HERC4: variants seen among roughly 807,000 people sequenced by gnomAD.
HERC4 encodes the protein HECT and RLD domain containing E3 ubiquitin protein ligase 4, also known as probable E3 ubiquitin-protein ligase HERC4.
In HERC4, 28 loss-of-function variants were observed where a neutral mutation model predicts 124.3. The ratio of observed to expected loss-of-function variants is 0.23; its 90% CI spans 0.17 to 0.31. The LOEUF (loss-of-function observed/expected upper bound fraction) is 0.31, where lower values mean the gene tolerates loss of function less well. Among genes scored for constraint, HERC4 ranks in the 10% least tolerant of loss-of-function variants. HERC4 has a pLI of 1.00. For synonymous variants in HERC4, 407 were observed against 421.5 expected (o/e 0.97, Z 0.42); for missense variants, 713 against 1,229.3 (o/e 0.58, Z 6.28).
chr10:67,949,000 T>TC (rs1362065568), intron 19 of HERC4, among the ~76,000 whole-genome samples: 1 of 152,070 alleles, frequency 6.6e-6, no homozygotes, highest in African/African-American at 2.4e-5. Flanking sequence ...ACGCCTGTAA[T>TC]CCCAGCACTT....
In HERC4 at chr10:67,979,273, A is replaced by G. The variant is rs543630507; in HGVS notation, c.1806+9390T>C. ...AGAAAGAATACCAGATAAATTTAACAAAGAGACTGAAATCATTTAAAAGAA... is the reference window on the plus strand; with the variant it reads ...AGAAAGAATACCAGATAAATTTAACGAAGAGACTGAAATCATTTAAAAGAA... On this transcript the variant is annotated intron_variant, in intron 15 of 24. Transcript: ENST00000373700. Among the ~76,000 whole-genome samples the G allele has an allele frequency of 2.2e-3, 341 of 152,274 alleles. 1 individual carries two copies. Among genetic ancestry groups the G allele is most frequent in the Non-Finnish European group, 3.5e-3 (239 of 68,024 alleles).
In HERC4 at chr10:67,967,071, G is replaced by A. The variant is rs530906219; in HGVS notation, c.1807-269C>T. Among the ~76,000 whole-genome samples, 6 of 152,272 alleles carry A rather than the reference G, an allele frequency of 3.9e-5. No homozygotes were observed. In the East Asian group the frequency reaches 7.7e-4, roughly 20 times the overall value. On this transcript the variant is annotated intron_variant, in intron 15 of 24. Transcript: ENST00000373700. ...GAGTTTCATCGTGTTAGCCAGGATG[G>A]TCTCGATCTCCTGACCTTGTGATCT...
chr10:67,928,651 G>A (rs774284632), intron 23 of HERC4, among the ~76,000 whole-genome samples: 2 of 152,080 alleles, frequency 1.3e-5, no homozygotes. Flanking sequence ...GGCCAGGAGC[G>A]GTGGCTCACA....
intron 9 of HERC4, among the ~76,000 whole-genome samples, chr10:68,009,191 T>C (rs2037776630): frequency 6.6e-6 from 1 of 151,926 alleles, no homozygotes; most frequent in Non-Finnish European, 1.5e-5. Context: ...ACCGCTGCAC[T>C]TCCAGCGTGG....
intron 3 of HERC4, among the ~76,000 whole-genome samples, chr10:68,052,932 CTTGT>C (rs2133618794): frequency 6.6e-6 from 1 of 152,314 alleles, no homozygotes; most frequent in South Asian, 2.1e-4. Context: ...AGACTCCAGA[CTTGT>C]TTTATACCTT....
Position 67,966,666 on chromosome 10 carries a change from TTGCACAGAA to T in HERC4, c.1926+8_1926+16del, listed in dbSNP as rs1469961061. 6.3e-7 allele frequency: 1 copy of T among 1,598,506 alleles called. No individual in the cohort carries two copies. The highest frequency in any genetic ancestry group is 8.5e-7 in the Non-Finnish European group (1 of 1,175,348). ...ATATACATAAAAATGAAATCACAAA[TTGCACAGAA>T]AACCTACCATTCCATAGGCCTGCTG... On this transcript the variant is annotated splice_region_variant and intron_variant, in intron 16 of 24. Transcript: ENST00000373700.
At chr10:68,030,493 T>A (rs1438627352) in intron 7 of HERC4, among the ~76,000 whole-genome samples, 2 of 152,290 alleles carry the variant, frequency 1.3e-5, no homozygotes, top group African/African-American at 4.8e-5. Flanking sequence ...TATGTTCATA[T>A]TTTGGTCCCT....
intron 3 of HERC4, among the ~76,000 whole-genome samples, chr10:68,048,910 A>G (rs1459734366): frequency 1.3e-5 from 2 of 152,240 alleles, no homozygotes; most frequent in Non-Finnish European, 2.9e-5. Context: ...AAAAAGTTTG[A>G]TAACAGTTCA....
intron 8 of HERC4, among the ~76,000 whole-genome samples, chr10:68,021,110 A>G (rs2038599041): frequency 6.6e-6 from 1 of 152,220 alleles, no homozygotes; most frequent in Non-Finnish European, 1.5e-5. Context: ...AATTCTACGC[A>G]GGATAAACTC....
At chr10:68,064,560 CAAAAA>C (rs538756559) in intron 3 of HERC4, among the ~76,000 whole-genome samples, 1 of 71,688 alleles carries the variant, frequency 1.4e-5, no homozygotes. Context: ...GATTCTCTCT[CAAAAA>C]AAAAAAAAAA....
intron 15 of HERC4, among the ~76,000 whole-genome samples, chr10:67,967,880 C>A: frequency 6.8e-6 from 1 of 146,094 alleles, no homozygotes; most frequent in African/African-American, 2.5e-5. Context: ...GAAAACTGGC[C>A]AAGAATCTTC....
intron 19 of HERC4, among the ~76,000 whole-genome samples, chr10:67,942,395 G>A (rs1029002113): frequency 6.6e-6 from 1 of 152,098 alleles, no homozygotes; most frequent in Non-Finnish European, 1.5e-5. Flanking sequence ...GCATATTTTT[G>A]TCCATAGTTT....
chr10:68,045,018 G>C (rs1015259495), intron 3 of HERC4, among the ~76,000 whole-genome samples: 1 of 152,180 alleles, frequency 6.6e-6, no homozygotes, highest in Non-Finnish European at 1.5e-5. Flanking sequence ...GCCATGAAGT[G>C]ATTCTGAAAT....
Position 68,049,590 on chromosome 10 carries a change from C to CAAAAAAA in HERC4, c.227-5034_227-5028dup, listed in dbSNP as rs766514516. 6.6e-3 allele frequency among the ~76,000 whole-genome samples: 278 copies of CAAAAAAA among 42,378 alleles called. 16 individuals carry two copies. Among genetic ancestry groups the CAAAAAAA allele is most frequent in the African/African-American group, 9.0e-3 (76 of 8,486 alleles). 27.8% of individuals were successfully genotyped at this position (42,378 alleles called of 152,430 possible). On this transcript the variant is annotated intron_variant, in intron 3 of 24. Coordinates refer to ENST00000373700, the MANE Select transcript of HERC4 (RefSeq NM_015601.4). The stretch of plus-strand genomic sequence containing the variant: ...TGGGTGACAGAGTGAGACACTGCCA[C>CAAAAAAA]AAAAAAAAAAAAAAAAAAAAAAACA...
chr10:68,020,192 C>G (rs1185055335), intron 8 of HERC4, among the ~76,000 whole-genome samples: 1 of 152,100 alleles, frequency 6.6e-6, no homozygotes, highest in Non-Finnish European at 1.5e-5. Flanking sequence ...TCAGCAAACT[C>G]TGGCAAAGGG....
intron 9 of HERC4, among the ~76,000 whole-genome samples, chr10:68,012,544 A>G (rs1205907326): frequency 6.6e-6 from 1 of 152,244 alleles, no homozygotes; most frequent in East Asian, 1.9e-4. Flanking sequence ...CTGGTGGAGC[A>G]GTCAGAACAT....
chr10:67,970,860 G>GA (rs879292789), intron 15 of HERC4, among the ~76,000 whole-genome samples: 18 of 148,360 alleles, frequency 1.2e-4, no homozygotes, highest in South Asian at 2.1e-4. Context: ...TAAGAATCTA[G>GA]AAAAAAAAAG....
intron 7 of HERC4, among the ~76,000 whole-genome samples, chr10:68,028,651 C>CA (rs895866573): frequency 2.0e-5 from 3 of 151,890 alleles, no homozygotes; most frequent in African/African-American, 7.3e-5. Context: ...TATGGCAAAA[C>CA]AAAAACAAAA....
At chr10:68,059,300 G>A (rs986343074) in intron 3 of HERC4, among the ~76,000 whole-genome samples, 1 of 150,818 alleles carries the variant, frequency 6.6e-6, no homozygotes, top group Non-Finnish European at 1.5e-5. Context: ...TGATGTGGTT[G>A]AGTGTCCCTA....
Sources: gnomAD v4.1 joint callset for allele counts (sites outside exome capture counted in the v4.1 genomes callset) on GRCh38, gnomAD v4.1.1 for gene constraint, MANE v1.5 for transcripts, NCBI Gene and HGNC (gene_info 2026-07-23, HGNC 2026-07-21) for gene names.